The following FLYWCH2 variants were observed in gnomAD, a reference collection of about 807,000 sequenced individuals.
FLYWCH2 encodes the protein FLYWCH family member 2.
In FLYWCH2, 2 loss-of-function variants were observed where a neutral mutation model predicts 6.0. The ratio of observed to expected loss-of-function variants is 0.33; its 90% CI spans 0.14 to 1.04. The LOEUF is 1.04. Among genes scored for constraint, FLYWCH2 ranks in the 50% least tolerant of loss-of-function variants. FLYWCH2 has a pLI of 0.45. For missense variants in FLYWCH2, 192 were observed against 183.4 expected (o/e 1.05, Z -0.27); for synonymous variants, 87 against 79.3 (o/e 1.10, Z -0.52).
At chr16:2,888,931 G>T (rs2069726684) in intron 1 of FLYWCH2, among the ~76,000 whole-genome samples, 1 of 152,092 alleles carries the variant, frequency 6.6e-6, no homozygotes, top group Non-Finnish European at 1.5e-5. Context: ...CACTACTTAG[G>T]AGGTGTGCAT....
At chr16:2,890,800 A>G (rs2069748942) in intron 1 of FLYWCH2, among the ~76,000 whole-genome samples, 1 of 151,940 alleles carries the variant, frequency 6.6e-6, no homozygotes, top group South Asian at 2.1e-4. Flanking sequence ...CTCTTGACCT[A>G]AAGTAATCCA....
At chr16:2,896,913 CAG>C (rs1364112900) in intron 3 of FLYWCH2, 142 bp downstream of exon 3, 16 of 823,178 alleles carry the variant, frequency 1.9e-5, no homozygotes, top group East Asian at 5.3e-5. Context: ...AGCAGTGGCA[CAG>C]GGGTTAGGGC....
intron 3 of FLYWCH2, 31 bp from the exon 4 acceptor site, chr16:2,899,018 C>T (rs200210861): frequency 1.9e-6 from 3 of 1,581,908 alleles, no homozygotes; most frequent in East Asian, 2.3e-5. Context: ...TCTCCATTGA[C>T]ACCAGCCTGA....
Position 2,899,268 on chromosome 16 carries a change from C to A in FLYWCH2, c.*119C>A. On this transcript the variant is annotated 3_prime_UTR_variant, in exon 4 of 4. Transcript: ENST00000396958. The stretch of plus-strand genomic sequence containing the variant: ...CTTTTAACATTGTGTGATTTCTTTT[C>A]TTTTTTTTTTTTTTTTTAGATCAAG... The A allele has an allele frequency of 2.4e-6, 1 of 424,430 alleles. No homozygotes were observed. Among genetic ancestry groups the A allele is most frequent in the Non-Finnish European group, 4.1e-6 (1 of 244,682 alleles). The allele number at this position is 424,430 out of a possible 1,614,324, so 26.3% of individuals were successfully genotyped here. A position where few individuals can be genotyped will look rare whatever the true frequency, so the allele number is the denominator to read the frequency against.
At chr16:2,890,953 C>T (rs1223557896) in intron 1 of FLYWCH2, among the ~76,000 whole-genome samples, 2 of 152,154 alleles carry the variant, frequency 1.3e-5, no homozygotes, top group African/African-American at 4.8e-5. Flanking sequence ...GGGAAGTGTC[C>T]GCACATACTG....
chr16:2,896,831 C>T, intron 3 of FLYWCH2, 60 bp downstream of exon 3: 1 of 1,478,750 alleles, frequency 6.8e-7, no homozygotes, highest in Non-Finnish European at 9.1e-7. Flanking sequence ...GCCCCCACAG[C>T]CGCGCTGGCT....
chr16:2,894,350 G>A lies in FLYWCH2; in HGVS notation c.-199-870G>A, dbSNP rs192407781. Among the ~76,000 whole-genome samples the A allele has an allele frequency of 3.4e-3, 525 of 152,324 alleles. 1 individual carries two copies. The highest frequency in any genetic ancestry group is 6.8e-3 in the African/African-American group (282 of 41,570). ...GACCCGGGGTGGACTCGGACGTGGG[G>A]TCAGGGAACCTGGCATTTATTCCTG... is the stretch of plus-strand genomic sequence containing the variant. On this transcript the variant is annotated intron_variant, in intron 1 of 3. Transcript: ENST00000396958.
intron 1 of FLYWCH2, among the ~76,000 whole-genome samples, chr16:2,890,123 G>C (rs1215341135): frequency 1.3e-5 from 2 of 151,586 alleles, no homozygotes; most frequent in Admixed American, 1.3e-4. Flanking sequence ...ACTTTATTTG[G>C]ATTTCATCAG....
intron 3 of FLYWCH2, 71 bp downstream of exon 3, chr16:2,896,842 C>G (rs778503079): frequency 3.6e-6 from 5 of 1,381,702 alleles, no homozygotes; most frequent in Non-Finnish European, 3.9e-6. Context: ...CGCGCTGGCT[C>G]CATCAGGCGC....
chr16:2,891,804 C>T (rs986207915), intron 1 of FLYWCH2, among the ~76,000 whole-genome samples: 4 of 152,118 alleles, frequency 2.6e-5, no homozygotes, highest in African/African-American at 4.8e-5. Flanking sequence ...GTGATCCTCC[C>T]GCCTTGCTCA....
intron 2 of FLYWCH2, among the ~76,000 whole-genome samples, chr16:2,895,834 GTC>G (rs1034106650): frequency 6.6e-6 from 1 of 152,220 alleles, no homozygotes; most frequent in African/African-American, 2.4e-5. Flanking sequence ...GGACACTGAT[GTC>G]TGTTAACATG....
intron 2 of FLYWCH2, among the ~76,000 whole-genome samples, chr16:2,896,063 T>A (rs1567306120): frequency 2.0e-5 from 3 of 152,206 alleles, no homozygotes. Context: ...GGGAGGCCCA[T>A]TGGTAGTGGC....
At chr16:2,889,286 C>T (rs2150844919) in intron 1 of FLYWCH2, among the ~76,000 whole-genome samples, 1 of 150,502 alleles carries the variant, frequency 6.6e-6, no homozygotes, top group South Asian at 2.1e-4. Flanking sequence ...TCTTGGCTCA[C>T]TGCAAGCTCT....
At chr16:2,892,641 C>G (rs112792631) in intron 1 of FLYWCH2, among the ~76,000 whole-genome samples, 3,895 of 151,826 alleles carry the variant, frequency 0.026, 162 homozygotes, top group African/African-American at 0.088. Flanking sequence ...GTCAACAGAT[C>G]GAGACCATCC....
intron 1 of FLYWCH2, among the ~76,000 whole-genome samples, chr16:2,890,214 G>A (rs1488917997): frequency 7.5e-6 from 1 of 132,844 alleles, no homozygotes; most frequent in African/African-American, 3.0e-5. Context: ...GCGTGTGTGT[G>A]TTTTTTTGTT....
At chr16:2,891,693 C>T (rs1005269444) in intron 1 of FLYWCH2, among the ~76,000 whole-genome samples, 12 of 151,388 alleles carry the variant, frequency 7.9e-5, no homozygotes, top group African/African-American at 2.7e-4. Flanking sequence ...CGTGAGCCAC[C>T]GCGCCTGGCC....
chr16:2,884,215 G>C (rs2069671286), intron 1 of FLYWCH2, among the ~76,000 whole-genome samples: 1 of 152,154 alleles, frequency 6.6e-6, no homozygotes, highest in Admixed American at 6.5e-5. Flanking sequence ...CCGTTACGCA[G>C]ATGAAACCTG....
chr16:2,892,237 G>C (rs536193806), intron 1 of FLYWCH2, among the ~76,000 whole-genome samples: 2 of 151,354 alleles, frequency 1.3e-5, no homozygotes, highest in South Asian at 4.2e-4. Context: ...GCTCATGCCT[G>C]TAATCCCAGC....
Position 2,899,251 on chromosome 16 carries a change from A to C in FLYWCH2, c.*102A>C. The C allele has an allele frequency of 1.8e-6, 1 of 548,318 alleles. No homozygotes were observed. Among genetic ancestry groups the C allele is most frequent in the Non-Finnish European group, 3.0e-6 (1 of 330,536 alleles). 34.0% of individuals were successfully genotyped at this position (548,318 alleles called of 1,614,324 possible). On this transcript the variant is annotated 3_prime_UTR_variant, in exon 4 of 4. Transcript: ENST00000396958. ...AAATGGGTGAATCTTTGCTTTTAAC[A>C]TTGTGTGATTTCTTTTCTTTTTTTT...
Sources: allele counts gnomAD v4.1 joint callset (sites outside exome capture counted in the v4.1 genomes callset), GRCh38; gene constraint gnomAD v4.1.1; transcripts MANE v1.5; gene names NCBI Gene and HGNC (gene_info 2026-07-23, HGNC 2026-07-21).